TSHR: variants seen among roughly 807,000 people sequenced by gnomAD.
TSHR encodes thyrotropin receptor.
TSHR carries 51 observed loss-of-function variants against 64.1 expected under a neutral mutation model. That is an observed-to-expected ratio of 0.80 (90% confidence interval 0.64 to 1.01). The LOEUF (loss-of-function observed/expected upper bound fraction) is 1.01. Ranked by LOEUF, TSHR falls within the 50% of genes least tolerant of loss-of-function variation. The pLI is 0.00. For missense variants in TSHR, 877 were observed against 942.8 expected (o/e 0.93, Z 0.91); for synonymous variants, 361 against 361.9 (o/e 1.00, Z 0.03).
chr14:81,056,712 G>C (rs1377966412), intron 1 of TSHR, among the ~76,000 whole-genome samples: 2 of 152,106 alleles, frequency 1.3e-5, no homozygotes, highest in Non-Finnish European at 2.9e-5. Context: ...CTGGGGTTCA[G>C]ATCACACACA....
intron 3 of TSHR, among the ~76,000 whole-genome samples, chr14:81,076,578 CT>C (rs1163591522): frequency 6.6e-6 from 1 of 152,092 alleles, no homozygotes; most frequent in Non-Finnish European, 1.5e-5. Flanking sequence ...TGCCAACTTC[CT>C]TCATCCTGAT....
chr14:81,033,279 C>A, intron 1 of TSHR: 3 of 468,186 alleles, frequency 6.4e-6, no homozygotes, highest in South Asian at 3.4e-5. Context: ...AAGAATACAT[C>A]GAAAAGCATA....
intron 1 of TSHR, among the ~76,000 whole-genome samples, chr14:81,037,706 C>A (rs1338443655): frequency 6.7e-6 from 1 of 149,916 alleles, no homozygotes; most frequent in African/African-American, 2.5e-5. Context: ...ACTTAGATAA[C>A]AGATAATTCA....
intron 1 of TSHR, among the ~76,000 whole-genome samples, chr14:80,990,658 G>T (rs1329610715): frequency 1.7e-5 from 2 of 116,442 alleles, no homozygotes; most frequent in East Asian, 3.0e-4. Context: ...GGCTGAAACA[G>T]AATTTTTTTT....
intron 1 of TSHR, chr14:81,051,756 T>C (rs577321858): frequency 2.0e-5 from 3 of 152,160 alleles, no homozygotes; most frequent in Non-Finnish European, 2.9e-5. Flanking sequence ...TGATGTCTCA[T>C]TGTGGTTTAA....
chr14:81,055,434 G>A (rs1324192048), intron 1 of TSHR, among the ~76,000 whole-genome samples: 1 of 152,238 alleles, frequency 6.6e-6, no homozygotes, highest in East Asian at 1.9e-4. Flanking sequence ...GTGAGAAGAG[G>A]GCCACCATCC....
At chr14:81,057,643 C>A (rs1487563571) in intron 1 of TSHR, among the ~76,000 whole-genome samples, 3 of 152,168 alleles carry the variant, frequency 2.0e-5, no homozygotes, top group Non-Finnish European at 2.9e-5. Flanking sequence ...CAGTGAAATA[C>A]TGGCTGATTG....
intron 1 of TSHR, among the ~76,000 whole-genome samples, chr14:81,020,186 G>T (rs891546637): frequency 1.3e-5 from 2 of 152,330 alleles, no homozygotes; most frequent in East Asian, 3.9e-4. Flanking sequence ...ATGGATAAAT[G>T]ACTGAATGAG....
chr14:80,958,152 C>T (rs548595391), intron 1 of TSHR: 1 of 151,420 alleles, frequency 6.6e-6, no homozygotes, highest in African/African-American at 2.4e-5. Flanking sequence ...ACATGTAAAG[C>T]TAACAATTAT....
intron 1 of TSHR, chr14:80,993,617 G>A (rs1426348750): frequency 6.6e-6 from 1 of 152,032 alleles, no homozygotes; most frequent in African/African-American, 2.4e-5. Context: ...CAAAAATAAT[G>A]TAAGGGCAAA....
At position 81,080,009 on chromosome 14, in the gene TSHR, G is replaced by C. The variant is rs569184382; in HGVS notation, c.318-7945G>C. Among the ~76,000 whole-genome samples the C allele has an allele frequency of 2.9e-3, 434 of 152,230 alleles. 3 individuals are homozygous for C. The highest frequency in any genetic ancestry group is 5.1e-3 in the Non-Finnish European group (346 of 68,014). ...GCTCTGTCGCCCAGGCTGGAGTGCA[G>C]TGGTGCAATCTCAGCTCACTGCAAC... is the stretch of plus-strand genomic sequence containing the variant. On this transcript the variant is annotated intron_variant, in intron 3 of 9. Coordinates refer to ENST00000298171, the MANE Select transcript of TSHR (RefSeq NM_000369.5).
intron 1 of TSHR, chr14:80,956,080 C>T (rs1886661120): frequency 9.8e-6 from 6 of 614,466 alleles, no homozygotes; most frequent in East Asian, 2.9e-5. Flanking sequence ...GAAAATGTTA[C>T]AAAACTTTGG....
chr14:81,108,645 G>T, intron 8 of TSHR, 193 bp downstream of exon 8: 2 of 1,614,076 alleles, frequency 1.2e-6, no homozygotes, highest in Non-Finnish European at 1.7e-6. Flanking sequence ...TGTCCTTTGA[G>T]ACTCAGAAGG....
Position 81,139,628 on chromosome 14 carries a change from G to A in TSHR, c.693-51G>A, listed in dbSNP as rs376275398. 5 of 1,597,856 alleles carry A rather than the reference G, an allele frequency of 3.1e-6. No individual in the cohort carries two copies. The African/African-American group carries it at 5.4e-5, about 17-fold the overall frequency. On this transcript the variant is annotated intron_variant, in intron 8 of 9. Coordinates refer to ENST00000298171, the MANE Select transcript of TSHR (RefSeq NM_000369.5). ...TTGAGTTTCTGGCCAAGGCTGAGAA[G>A]GCCCTGGCTGCTCACTGCCTCTCTG...
chr14:80,969,283 T>C (rs1334984000), intron 1 of TSHR, among the ~76,000 whole-genome samples: 1 of 152,188 alleles, frequency 6.6e-6, no homozygotes, highest in Non-Finnish European at 1.5e-5. Flanking sequence ...CATATGCCCT[T>C]TGTTGCACCT....
At position 81,144,283 on chromosome 14, in the gene TSHR, T is replaced by C. The variant is rs746464409; in HGVS notation, c.2225T>C (p.Ile742Thr). The change falls in exon 10 of 10, where the codon ATT (isoleucine) becomes ACT (threonine). Residue 742 changes from isoleucine (I) to threonine (T), a missense_variant. Transcript: ENST00000298171. The stretch of plus-strand genomic sequence containing the variant: ...AACATGGAAGATGTCTATGAACTGA[T>C]TGAAAACTCCCATCTAACCCCAAAG... ...LHNMEDVYEL[I>T]ENSHLTPKKQ... 5.6e-6 allele frequency: 9 copies of C among 1,614,108 alleles called. No homozygotes were observed. The highest frequency in any genetic ancestry group is 3.3e-5 in the South Asian group (3 of 91,074).
At chr14:80,962,934 A>G (rs946484082) in intron 1 of TSHR, among the ~76,000 whole-genome samples, 8 of 152,202 alleles carry the variant, frequency 5.3e-5, no homozygotes, top group Non-Finnish European at 1.2e-4. Context: ...CTTTTCATTG[A>G]AACACATTTT....
intron 7 of TSHR, among the ~76,000 whole-genome samples, chr14:81,107,562 T>A (rs2140027966): frequency 6.6e-6 from 1 of 152,316 alleles, no homozygotes; most frequent in African/African-American, 2.4e-5. Context: ...ACTTTGTAAC[T>A]TAAATTGCTC....
intron 8 of TSHR, among the ~76,000 whole-genome samples, chr14:81,131,431 C>A (rs1891243537): frequency 6.6e-6 from 1 of 152,234 alleles, no homozygotes; most frequent in African/African-American, 2.4e-5. Context: ...TACCATTCCT[C>A]TGCAGCCTTT....
Sources: allele counts gnomAD v4.1 joint callset (sites outside exome capture counted in the v4.1 genomes callset), GRCh38; gene constraint gnomAD v4.1.1; transcripts MANE v1.5; gene names NCBI Gene and HGNC (gene_info 2026-07-23, HGNC 2026-07-21).